The following TBC1D5 variants were observed in gnomAD, a reference collection of about 807,000 sequenced individuals.
TBC1D5 encodes the protein TBC1 domain family, member 5.
In TBC1D5, 75 loss-of-function variants were observed where a neutral mutation model predicts 100.3. The ratio of observed to expected loss-of-function variants is 0.75; its 90% CI spans 0.62 to 0.91. The LOEUF (loss-of-function observed/expected upper bound fraction) is 0.91, where lower values mean the gene tolerates loss of function less well. Ranked by LOEUF, TBC1D5 falls within the 40% of genes least tolerant of loss-of-function variation. The pLI, the probability that TBC1D5 is intolerant of heterozygous loss-of-function variation, is 0.00. For missense variants in TBC1D5, 910 were observed against 942.4 expected (o/e 0.97, Z 0.45); for synonymous variants, 323 against 325.6 (o/e 0.99, Z 0.09).
intron 8 of TBC1D5, among the ~76,000 whole-genome samples, chr3:17,397,777 A>G (rs1267944499): frequency 6.6e-6 from 1 of 152,226 alleles, no homozygotes; most frequent in Non-Finnish European, 1.5e-5. Flanking sequence ...TACAATAACT[A>G]GAAATACAAA....
At chr3:17,557,319 G>A (rs1406085416) in intron 2 of TBC1D5, among the ~76,000 whole-genome samples, 2 of 152,160 alleles carry the variant, frequency 1.3e-5, no homozygotes, top group African/African-American at 4.8e-5. Flanking sequence ...TTTTCTCAGA[G>A]CTATTTTGCC....
chr3:17,660,460 A>G (rs147907814), intron 1 of TBC1D5, among the ~76,000 whole-genome samples: 1 of 152,336 alleles, frequency 6.6e-6, no homozygotes, highest in East Asian at 1.9e-4. Context: ...AGAAACTCAG[A>G]CTTAATTAAA....
At chr3:17,629,854 C>T (rs932426933) in intron 1 of TBC1D5, among the ~76,000 whole-genome samples, 3 of 152,180 alleles carry the variant, frequency 2.0e-5, no homozygotes, top group Non-Finnish European at 2.9e-5. Context: ...TAGCATGCTA[C>T]ATCTCATACT....
At chr3:17,395,121 A>C (rs934489731) in intron 8 of TBC1D5, among the ~76,000 whole-genome samples, 3 of 152,018 alleles carry the variant, frequency 2.0e-5, no homozygotes, top group African/African-American at 7.2e-5. Context: ...ACAGGATATA[A>C]GGTTGGGAGA....
At chr3:17,157,762 T>C (rs1339785032) in exon 22 of TBC1D5, 1 of 152,278 alleles carries the variant, frequency 6.6e-6, no homozygotes, top group Non-Finnish European at 1.5e-5. Context: ...TCACAGGTTA[T>C]TCTTAGGAGG....
rs551057540 is a variant in TBC1D5, at chr3:17,194,171, C to T, written c.1753-8963G>A. ...GCAAGGATTTAAATAACTCATCTCA[C>T]GCTAACCTTCTATTAATATTTACTT... On this transcript the variant is annotated intron_variant, in intron 18 of 21. Coordinates refer to ENST00000253692, the Ensembl canonical transcript of TBC1D5. Among the ~76,000 whole-genome samples, 15 of 152,288 alleles carry T rather than the reference C, an allele frequency of 9.8e-5. 1 individual carries two copies. The highest frequency in any genetic ancestry group is 8.3e-4 in the South Asian group (4 of 4,824).
chr3:17,706,255 T>G, intron 1 of TBC1D5: 9 of 1,548,526 alleles, frequency 5.8e-6, no homozygotes, highest in Non-Finnish European at 7.8e-6. Flanking sequence ...TATTTGTACT[T>G]CTTCACATAC....
chr3:17,220,825 T>C (rs777301756), intron 17 of TBC1D5, among the ~76,000 whole-genome samples: 1 of 152,096 alleles, frequency 6.6e-6, no homozygotes, highest in African/African-American at 2.4e-5. Context: ...TAAAAGGCCA[T>C]AGAACAAAAG....
intron 1 of TBC1D5, among the ~76,000 whole-genome samples, chr3:17,633,165 G>A (rs964235240): frequency 4.6e-5 from 7 of 152,086 alleles, no homozygotes; most frequent in Admixed American, 6.6e-5. Context: ...GGCCGTGCAC[G>A]GTGACCCATG....
intron 13 of TBC1D5, among the ~76,000 whole-genome samples, chr3:17,351,814 A>G (rs1291608857): frequency 1.1e-4 from 12 of 105,766 alleles, no homozygotes; most frequent in Non-Finnish European, 1.6e-4. Flanking sequence ...AAAAGAAAGG[A>G]AAAAAAAAAA....
At chr3:17,349,181 T>G (rs2090260171) in intron 13 of TBC1D5, among the ~76,000 whole-genome samples, 1 of 152,198 alleles carries the variant, frequency 6.6e-6, no homozygotes, top group Non-Finnish European at 1.5e-5. Context: ...TATTTTTGCT[T>G]CAATTAGTCT....
intron 1 of TBC1D5, among the ~76,000 whole-genome samples, chr3:17,645,436 C>T (rs957599081): frequency 1.3e-5 from 2 of 152,114 alleles, no homozygotes; most frequent in African/African-American, 4.8e-5. Context: ...TCGCAGCTGT[C>T]AGGAACTGGT....
At chr3:17,238,637 T>C (rs895852757) in intron 16 of TBC1D5, among the ~76,000 whole-genome samples, 1 of 152,204 alleles carries the variant, frequency 6.6e-6, no homozygotes, top group Non-Finnish European at 1.5e-5. Context: ...TTACATTTCA[T>C]TCATTCATTC....
chr3:17,329,294 T>C (rs958601353), intron 13 of TBC1D5, among the ~76,000 whole-genome samples: 4 of 152,220 alleles, frequency 2.6e-5, no homozygotes, highest in Non-Finnish European at 4.4e-5. Context: ...CATGTTTACA[T>C]AGTATGACTG....
At chr3:17,269,453 C>G (rs1376340822) in intron 15 of TBC1D5, among the ~76,000 whole-genome samples, 1 of 152,174 alleles carries the variant, frequency 6.6e-6, no homozygotes, top group South Asian at 2.1e-4. Flanking sequence ...GCTGAACTTT[C>G]TTAGTCTGCA....
intron 3 of TBC1D5, among the ~76,000 whole-genome samples, chr3:17,450,419 G>T (rs1221841578): frequency 1.3e-5 from 2 of 152,082 alleles, no homozygotes; most frequent in African/African-American, 4.8e-5. Flanking sequence ...CAGAAGGTGG[G>T]TAACAACAAA....
intron 2 of TBC1D5, among the ~76,000 whole-genome samples, chr3:17,517,595 C>T (rs1435945387): frequency 6.6e-6 from 1 of 152,108 alleles, no homozygotes; most frequent in East Asian, 1.9e-4. Flanking sequence ...TTCCAACTAT[C>T]CTTCCATACA....
At chr3:17,484,489 T>TGTGTGTGTGTGTGTG (rs2095536751) in intron 3 of TBC1D5, among the ~76,000 whole-genome samples, 4 of 133,292 alleles carry the variant, frequency 3.0e-5, no homozygotes, top group African/African-American at 2.8e-5. Context: ...TGTGTGTGTG[T>TGTGTGTGTGTGTGTG]TTGGGTAACA....
intron 18 of TBC1D5, among the ~76,000 whole-genome samples, chr3:17,199,052 G>A (rs1488657688): frequency 6.6e-6 from 1 of 152,174 alleles, no homozygotes; most frequent in Non-Finnish European, 1.5e-5. Flanking sequence ...AGAGTGAAAC[G>A]CAAGGTTCCG....
Sources: gnomAD v4.1 joint callset for allele counts (sites outside exome capture counted in the v4.1 genomes callset) on GRCh38, gnomAD v4.1.1 for gene constraint, MANE v1.5 for transcripts, NCBI Gene and HGNC (gene_info 2026-07-23, HGNC 2026-07-21) for gene names.